The following SCUBE1 variants were observed in gnomAD, a reference collection of about 807,000 sequenced individuals.
SCUBE1 encodes signal peptide, CUB and EGF-like domain-containing protein 1.
In SCUBE1, 59 loss-of-function variants were observed where a neutral mutation model predicts 124.4. The ratio of observed to expected loss-of-function variants is 0.47; its 90% CI spans 0.38 to 0.59. SCUBE1 has a LOEUF of 0.59. Ranked by LOEUF, SCUBE1 falls within the 20% of genes least tolerant of loss-of-function variation. The pLI, the probability that SCUBE1 is intolerant of heterozygous loss-of-function variation, is 0.00. For synonymous variants in SCUBE1, 545 were observed against 550.9 expected, an observed-to-expected ratio of 0.99 and a Z score of 0.15; for missense variants, 1,150 against 1,371.2, an observed-to-expected ratio of 0.84 and a Z score of 2.55.
chr22:43,229,223 A>C, intron 8 of SCUBE1, 35 bp from the exon 9 acceptor site: 1 of 773,740 alleles, frequency 1.3e-6, no homozygotes, highest in Non-Finnish European at 2.2e-6. Context: ...TTGGGGGAGG[A>C]GTTTGAGGGA....
At chr22:43,215,581 C>T (rs1921773815) in intron 15 of SCUBE1, among the ~76,000 whole-genome samples, 1 of 152,188 alleles carries the variant, frequency 6.6e-6, no homozygotes, top group South Asian at 2.1e-4. Context: ...CCTGTGCCTG[C>T]TGATGGGGCA....
intron 6 of SCUBE1, among the ~76,000 whole-genome samples, chr22:43,242,341 G>A (rs1483530568): frequency 6.6e-6 from 1 of 152,198 alleles, no homozygotes; most frequent in East Asian, 1.9e-4. Context: ...CAGGACCAGA[G>A]GCCACCCAGA....
chr22:43,280,470 CCG>C (rs1232084224), intron 4 of SCUBE1, among the ~76,000 whole-genome samples: 14 of 81,872 alleles, frequency 1.7e-4, no homozygotes, highest in South Asian at 5.1e-4. Flanking sequence ...ACCCATCCTC[CCG>C]TCCCTTCCCC....
chr22:43,223,721 C>T (rs1282485612), intron 10 of SCUBE1, among the ~76,000 whole-genome samples: 2 of 152,214 alleles, frequency 1.3e-5, no homozygotes, highest in Admixed American at 6.5e-5. Flanking sequence ...TAGGAAAAGA[C>T]GGACGGTTCT....
At chr22:43,214,045 C>CCCCCCCCA in intron 16 of SCUBE1, 45 bp downstream of exon 16, 2 of 457,528 alleles carry the variant, frequency 4.4e-6, no homozygotes, top group Admixed American at 4.1e-5. Context: ...GGAGGAGCCC[C>CCCCCCCCA]CGCCCACCCC....
chr22:43,260,806 G>A (rs948499968), intron 5 of SCUBE1, among the ~76,000 whole-genome samples: 5 of 152,310 alleles, frequency 3.3e-5, no homozygotes, highest in South Asian at 2.1e-4. Context: ...CCCTGGCGGG[G>A]GCAGCTGGGG....
chr22:43,339,780 CCCACAA>C (rs1927233420), intron 1 of SCUBE1, among the ~76,000 whole-genome samples: 2 of 89,822 alleles, frequency 2.2e-5, no homozygotes, highest in African/African-American at 6.8e-5. Context: ...ATTCTATCCC[CCCACAA>C]GCATTGCTTC....
At chr22:43,302,294 G>A (rs1040949530) in intron 3 of SCUBE1, among the ~76,000 whole-genome samples, 17 of 152,176 alleles carry the variant, frequency 1.1e-4, no homozygotes, top group Non-Finnish European at 1.5e-4. Flanking sequence ...CTGCTTTGTC[G>A]GCACCTTTAC....
intron 2 of SCUBE1, among the ~76,000 whole-genome samples, chr22:43,333,076 G>C (rs774116912): frequency 6.6e-6 from 1 of 152,190 alleles, no homozygotes; most frequent in African/African-American, 2.4e-5. Flanking sequence ...CCTAAGTGCA[G>C]TGTGGCATGG....
At chr22:43,246,653 C>T (rs766490072) in intron 6 of SCUBE1, among the ~76,000 whole-genome samples, 1 of 152,240 alleles carries the variant, frequency 6.6e-6, no homozygotes, top group Non-Finnish European at 1.5e-5. Context: ...TTGCCGGGAA[C>T]ATTGAACATG....
chr22:43,222,711 T>A lies in SCUBE1; in HGVS notation c.1359A>T (p.Gly453=), dbSNP rs1282232194. The change falls in exon 12 of 22, where the codon GGA becomes GGT. Residue 453 remains glycine (G), a synonymous_variant. Coordinates refer to ENST00000360835, the MANE Select transcript of SCUBE1 (RefSeq NM_173050.5). ...GCGCCTTGCCCTGCGGCCCTGGAAC[T>A]CCGCAGCTCAGGACGTAGCTATTTT... ...DSENSYVLSC[G]VPGPQGKALQ... 1 of 1,606,278 alleles carries A rather than the reference T, an allele frequency of 6.2e-7. No individual in the cohort carries two copies. Among genetic ancestry groups the A allele is most frequent in the Admixed American group, 1.7e-5 (1 of 59,286 alleles).
At chr22:43,206,671 C>G (rs973330434) in intron 21 of SCUBE1, among the ~76,000 whole-genome samples, 15 of 152,106 alleles carry the variant, frequency 9.9e-5, no homozygotes, top group Admixed American at 9.8e-4. Context: ...CCGAGAGGCT[C>G]TGGTGCGTGT....
chr22:43,336,175 C>T (rs187169370), intron 2 of SCUBE1, among the ~76,000 whole-genome samples: 2 of 152,192 alleles, frequency 1.3e-5, no homozygotes, highest in African/African-American at 4.8e-5. Flanking sequence ...TATTTTTGGC[C>T]CGCACAACCA....
chr22:43,229,355 G>C (rs533005597), intron 8 of SCUBE1, among the ~76,000 whole-genome samples, 167 bp from the exon 9 acceptor site: 1 of 152,218 alleles, frequency 6.6e-6, no homozygotes, highest in Non-Finnish European at 1.5e-5. Flanking sequence ...CTTGCTGCTC[G>C]ACTTTCCATT....
At chr22:43,207,477 C>T in intron 21 of SCUBE1, 57 bp downstream of exon 21, 1 of 1,383,296 alleles carries the variant, frequency 7.2e-7, no homozygotes, top group Non-Finnish European at 1.0e-6. Flanking sequence ...GCGGTCCTGG[C>T]TCATCACAGG....
At chr22:43,321,137 G>A (rs920641330) in intron 2 of SCUBE1, among the ~76,000 whole-genome samples, 2 of 152,222 alleles carry the variant, frequency 1.3e-5, no homozygotes, top group East Asian at 1.9e-4. Flanking sequence ...AAGTGGAACC[G>A]GAAGTGCATC....
intron 2 of SCUBE1, among the ~76,000 whole-genome samples, chr22:43,323,051 C>T (rs1926609188): frequency 6.6e-6 from 1 of 152,156 alleles, no homozygotes; most frequent in African/African-American, 2.4e-5. Flanking sequence ...CTAGGAAGCC[C>T]ACGTCCTTTC....
chr22:43,255,331 A>G lies in SCUBE1; in HGVS notation c.727+2888T>C, dbSNP rs993733835. Among the ~76,000 whole-genome samples, 1 of 152,046 alleles carries G rather than the reference A, an allele frequency of 6.6e-6. No homozygotes were observed. The highest frequency in any genetic ancestry group is 1.5e-5 in the Non-Finnish European group (1 of 68,000). The stretch of plus-strand genomic sequence containing the variant: ...CGCAGGACTGCACACACGTGGGCAC[A>G]CCCCACAACACAGACATATGCCCCC... On this transcript the variant is annotated intron_variant, in intron 6 of 21. Transcript: ENST00000360835. The surrounding 1 kb of genome is among the most constrained non-coding windows in gnomAD (Gnocchi z 4.7).
At chr22:43,205,793 CCA>C (rs1220973419) in intron 21 of SCUBE1, among the ~76,000 whole-genome samples, 1 of 94,796 alleles carries the variant, frequency 1.1e-5, no homozygotes, top group Non-Finnish European at 2.1e-5. Flanking sequence ...ACACTCACCC[CCA>C]CACACACCAC....
Sources: allele counts gnomAD v4.1 joint callset (sites outside exome capture counted in the v4.1 genomes callset), GRCh38; gene constraint gnomAD v4.1.1; non-coding constraint Gnocchi (gnomAD v3.1); transcripts MANE v1.5; gene names NCBI Gene and HGNC (gene_info 2026-07-23, HGNC 2026-07-21).